Variants in TGFBR2 observed in about 807,000 individuals in gnomAD.
The protein encoded by TGFBR2 is transforming growth factor beta receptor 2.
TGFBR2 carries 18 observed loss-of-function variants against 49.0 expected under a neutral mutation model. That is an observed-to-expected ratio of 0.37 (90% CI 0.25 to 0.54). TGFBR2 has a LOEUF of 0.54. Ranked by LOEUF, TGFBR2 falls within the 20% of genes least tolerant of loss-of-function variation. TGFBR2 has a pLI of 0.85. For synonymous variants in TGFBR2, 282 were observed against 275.9 expected (o/e 1.02, Z -0.22); for missense variants, 525 against 722.6 (o/e 0.73, Z 3.13).
At chr3:30,675,870 C>T (rs765077778) in intron 5 of TGFBR2, among the ~76,000 whole-genome samples, 23 of 152,112 alleles carry the variant, frequency 1.5e-4, no homozygotes, top group African/African-American at 4.3e-4. Context: ...AATCCATATA[C>T]GTATTTGTAC....
intron 1 of TGFBR2, among the ~76,000 whole-genome samples, chr3:30,641,131 C>T (rs979826948): frequency 5.3e-5 from 8 of 152,078 alleles, no homozygotes; most frequent in Non-Finnish European, 1.2e-4. Context: ...TTGAGGATTC[C>T]GGGGTTGGCT....
intron 1 of TGFBR2, among the ~76,000 whole-genome samples, chr3:30,628,893 A>G (rs1276395018): frequency 6.6e-6 from 1 of 152,058 alleles, no homozygotes; most frequent in Non-Finnish European, 1.5e-5. Flanking sequence ...TTCTCTCCCT[A>G]CCTCAGCAGT....
At chr3:30,615,239 T>A (rs1698109031) in intron 1 of TGFBR2, among the ~76,000 whole-genome samples, 1 of 152,174 alleles carries the variant, frequency 6.6e-6, no homozygotes, top group African/African-American at 2.4e-5. Flanking sequence ...GGATTTACTG[T>A]GAAGTGCTTG....
chr3:30,624,960 C>G (rs11709624), intron 1 of TGFBR2, among the ~76,000 whole-genome samples: 52,395 of 151,882 alleles, frequency 0.34, 9,808 homozygotes, highest in East Asian at 0.68. Context: ...TGACTGGGTT[C>G]ATGGATTTAT....
chr3:30,645,760 A>C (rs1300543746), intron 2 of TGFBR2, among the ~76,000 whole-genome samples: 1 of 152,112 alleles, frequency 6.6e-6, no homozygotes, highest in Non-Finnish European at 1.5e-5. Flanking sequence ...TGCTGGAATT[A>C]CAGGCATGAG....
chr3:30,634,094 C>A (rs561272634), intron 1 of TGFBR2, among the ~76,000 whole-genome samples: 1 of 152,284 alleles, frequency 6.6e-6, no homozygotes, highest in South Asian at 2.1e-4. Flanking sequence ...AACCCCGCAG[C>A]ATATTTTGAA....
intron 4 of TGFBR2, among the ~76,000 whole-genome samples, chr3:30,673,095 G>A (rs930838810): frequency 2.0e-5 from 3 of 152,206 alleles, no homozygotes; most frequent in South Asian, 2.1e-4. Context: ...ATGGAGAGCA[G>A]CACTGTCTTC....
chr3:30,658,172 T>C (rs1383329937), intron 3 of TGFBR2, among the ~76,000 whole-genome samples: 1 of 152,242 alleles, frequency 6.6e-6, no homozygotes. Flanking sequence ...GGCCAACCCC[T>C]GATAGAGATA....
intron 3 of TGFBR2, among the ~76,000 whole-genome samples, chr3:30,669,530 T>C (rs1203893212): frequency 6.6e-6 from 1 of 152,166 alleles, no homozygotes; most frequent in Admixed American, 6.5e-5. Flanking sequence ...CTGATTTACA[T>C]AGGGCTCACA....
chr3:30,661,471 G>A, intron 3 of TGFBR2: 1 of 434,032 alleles, frequency 2.3e-6, no homozygotes. Flanking sequence ...ATGCCTAAAA[G>A]AGCAAAGGCT....
chr3:30,678,929 G>C (rs968828962), intron 5 of TGFBR2, among the ~76,000 whole-genome samples: 2 of 152,202 alleles, frequency 1.3e-5, no homozygotes, highest in Non-Finnish European at 2.9e-5. Flanking sequence ...ACTGAATGAA[G>C]TAGGATACAA....
intron 2 of TGFBR2, among the ~76,000 whole-genome samples, chr3:30,646,809 T>A (rs1054271937): frequency 2.0e-5 from 3 of 152,170 alleles, no homozygotes; most frequent in Non-Finnish European, 2.9e-5. Flanking sequence ...AAAGGCTCTT[T>A]TAATTAAGAT....
intron 1 of TGFBR2, among the ~76,000 whole-genome samples, chr3:30,638,195 T>C (rs1236211012): frequency 6.6e-6 from 1 of 152,242 alleles, no homozygotes; most frequent in Non-Finnish European, 1.5e-5. Context: ...GTTATTTGTT[T>C]CCAATAAGCA....
rs190429403 is a variant in TGFBR2 at position 30,680,008 on chromosome 3, C to T, written c.1396+5762C>T. Among the ~76,000 whole-genome samples, 13 of 152,268 alleles carry T rather than the reference C, an allele frequency of 8.5e-5. No individual in the cohort carries two copies. The South Asian group carries it at 1.0e-3, about 12-fold the overall frequency. ...AGGCATGGTGGCGGGTGCCTGTAAT[C>T]GCAGCTACTCAAGAGGCTGAGGCAG... is the stretch of plus-strand genomic sequence containing the variant. On this transcript the variant is annotated intron_variant, in intron 5 of 6. Coordinates refer to ENST00000295754, the MANE Select transcript of TGFBR2 (RefSeq NM_003242.6).
intron 1 of TGFBR2, among the ~76,000 whole-genome samples, chr3:30,629,394 T>C (rs903132866): frequency 6.6e-5 from 10 of 152,142 alleles, no homozygotes; most frequent in Non-Finnish European, 1.3e-4. Flanking sequence ...CTCCTCCCAG[T>C]GGGGAAAGAA....
chr3:30,638,293 TCA>T, intron 1 of TGFBR2, among the ~76,000 whole-genome samples: 1 of 152,358 alleles, frequency 6.6e-6, no homozygotes, highest in South Asian at 2.1e-4. Flanking sequence ...CATTGTCATT[TCA>T]CAGAGATTTT....
At chr3:30,686,932 A>C (rs553036573) in intron 5 of TGFBR2, among the ~76,000 whole-genome samples, 1 of 152,298 alleles carries the variant, frequency 6.6e-6, no homozygotes, top group African/African-American at 2.4e-5. Flanking sequence ...TCATTCACTC[A>C]CTCAACAAAG....
At chr3:30,660,139 T>C (rs1029650716) in intron 3 of TGFBR2, among the ~76,000 whole-genome samples, 7 of 152,240 alleles carry the variant, frequency 4.6e-5, no homozygotes, top group African/African-American at 1.7e-4. Context: ...TTATCTACTT[T>C]TAAAAATATA....
intron 5 of TGFBR2, among the ~76,000 whole-genome samples, chr3:30,687,651 G>A (rs2125450873): frequency 6.6e-6 from 1 of 152,238 alleles, no homozygotes; most frequent in East Asian, 1.9e-4. Flanking sequence ...TACCTTCGCA[G>A]TGCTCTACAA....
Sources: gnomAD v4.1 joint callset for allele counts (sites outside exome capture counted in the v4.1 genomes callset) on GRCh38, gnomAD v4.1.1 for gene constraint, MANE v1.5 for transcripts, NCBI Gene and HGNC (gene_info 2026-07-23, HGNC 2026-07-21) for gene names.